The following SHC3 variants were observed in gnomAD, a reference collection of about 807,000 sequenced individuals.
The protein encoded by SHC3 is SHC adaptor protein 3, also known as SHC-transforming protein 3.
A neutral mutation model predicts 60.4 loss-of-function variants in SHC3; 15 were observed. That is an observed-to-expected ratio of 0.25 (90% CI 0.17 to 0.38). SHC3 has a LOEUF of 0.38. Ranked by LOEUF, SHC3 falls within the 10% of genes least tolerant of loss-of-function variation. The probability of loss-of-function intolerance (pLI) is 1.00; values close to 1 mark genes in which losing one functional copy is unlikely to be tolerated. For synonymous variants in SHC3, 294 were observed against 325.9 expected (o/e 0.90, Z 1.05); for missense variants, 677 against 786.1 (o/e 0.86, Z 1.66).
intron 1 of SHC3, among the ~76,000 whole-genome samples, chr9:89,136,711 T>C (rs1464481177): frequency 1.3e-5 from 2 of 152,234 alleles, no homozygotes; most frequent in Non-Finnish European, 2.9e-5. Context: ...TCTTTCACTT[T>C]CTTAATAAAC....
chr9:89,078,511 G>T (rs1014743089), intron 2 of SHC3, among the ~76,000 whole-genome samples: 1 of 152,198 alleles, frequency 6.6e-6, no homozygotes, highest in African/African-American at 2.4e-5. Flanking sequence ...CCGCACTGGT[G>T]AGGCTGCTGG....
At position 89,057,769 on chromosome 9, in the gene SHC3, T is replaced by C. The variant is rs151259801; in HGVS notation, c.836-5606A>G. 5.1e-4 allele frequency among the ~76,000 whole-genome samples: 77 copies of C among 152,242 alleles called. No individual in the cohort carries two copies. In the East Asian group the frequency reaches 0.014, roughly 28 times the overall value. ...GAAAATAAATAAATAAAAATATACC[T>C]CTGTAGTGGATTGAAGGGTGCCCTC... On this transcript the variant is annotated intron_variant, in intron 6 of 11. Transcript: ENST00000375835.
At chr9:89,137,311 A>T (rs1423791131) in intron 1 of SHC3, among the ~76,000 whole-genome samples, 1 of 152,184 alleles carries the variant, frequency 6.6e-6, no homozygotes, top group East Asian at 1.9e-4. Flanking sequence ...ACACTTAGCT[A>T]AAAATGGCTT....
At position 89,074,527 on chromosome 9, in the gene SHC3, C is replaced by T. The variant is rs144910540; in HGVS notation, c.729+582G>A. On this transcript the variant is annotated intron_variant, in intron 4 of 11. Transcript: ENST00000375835. Reference sequence around the variant, plus strand: ...CTAAAAGATAGACATTGTGCAGGAACGCAACCATCCTCAATAAAATTAGCC... The same window carrying T: ...CTAAAAGATAGACATTGTGCAGGAATGCAACCATCCTCAATAAAATTAGCC... 5.3e-3 allele frequency among the ~76,000 whole-genome samples: 813 copies of T among 152,036 alleles called. 6 individuals are homozygous for T. Among genetic ancestry groups the T allele is most frequent in the African/African-American group, 0.018 (756 of 41,456 alleles).
In SHC3 at chr9:89,064,812, T is replaced by A. The variant is rs150592266; in HGVS notation, c.835+717A>T. Among the ~76,000 whole-genome samples the A allele has an allele frequency of 1.6e-4, 24 of 152,310 alleles. No individual in the cohort carries two copies. The East Asian group carries it at 4.6e-3, about 29-fold the overall frequency. On this transcript the variant is annotated intron_variant, in intron 6 of 11. Transcript: ENST00000375835. ...TAAAAAGAGAGGGTATGTATACGGA[T>A]AAGCATTATGCAAAGCAAACTAGAA...
intron 6 of SHC3, among the ~76,000 whole-genome samples, chr9:89,061,308 A>C (rs1266810233): frequency 3.9e-5 from 6 of 152,236 alleles, no homozygotes; most frequent in African/African-American, 1.4e-4. Flanking sequence ...ACTTCCACCA[A>C]TGAGTTCAAA....
chr9:89,087,269 T>C (rs1434478297), intron 2 of SHC3, among the ~76,000 whole-genome samples: 2 of 152,244 alleles, frequency 1.3e-5, no homozygotes, highest in Non-Finnish European at 2.9e-5. Context: ...TAGCCTAACT[T>C]ATGTTTCCCT....
intron 11 of SHC3, among the ~76,000 whole-genome samples, chr9:89,031,184 C>G (rs1398196869): frequency 6.6e-6 from 1 of 152,166 alleles, no homozygotes; most frequent in Non-Finnish European, 1.5e-5. Flanking sequence ...CCACACCTGA[C>G]CTGTATTTTT....
chr9:89,022,940 TGC>T (rs759916998), intron 11 of SHC3, among the ~76,000 whole-genome samples: 2 of 152,228 alleles, frequency 1.3e-5, no homozygotes, highest in Non-Finnish European at 2.9e-5. Context: ...GCACCTCCCT[TGC>T]TGTGTTGTCT....
intron 2 of SHC3, chr9:89,110,492 G>T: frequency 1.0e-6 from 1 of 980,624 alleles, no homozygotes; most frequent in East Asian, 1.1e-4. Flanking sequence ...TTACCATGGA[G>T]ACCTTAAAAG....
chr9:89,143,304 C>T (rs1414347995), intron 1 of SHC3, among the ~76,000 whole-genome samples: 1 of 152,058 alleles, frequency 6.6e-6, no homozygotes, highest in Non-Finnish European at 1.5e-5. Flanking sequence ...GTGAGGACGA[C>T]CAGCGGTCAC....
intron 2 of SHC3, among the ~76,000 whole-genome samples, chr9:89,098,660 A>C (rs1320683489): frequency 2.0e-5 from 3 of 152,142 alleles, no homozygotes; most frequent in African/African-American, 7.2e-5. Context: ...AATACAAAAA[A>C]ATTAGCCGGG....
In SHC3 at chr9:89,061,699, T is replaced by A. The variant is rs78039983; in HGVS notation, c.835+3830A>T. On this transcript the variant is annotated intron_variant, in intron 6 of 11. Coordinates refer to ENST00000375835, the MANE Select transcript of SHC3 (RefSeq NM_016848.6). ...AGTCCAAAAACAATAAATGGAAAAT[T>A]TCTGAAATTTACAGTTCATAAGTTT... Among the ~76,000 whole-genome samples the A allele has an allele frequency of 6.0e-3, 907 of 152,312 alleles. 7 individuals are homozygous for A. The highest frequency in any genetic ancestry group is 0.02 in the African/African-American group (835 of 41,574).
At chr9:89,163,332 T>C (rs1286007861) in intron 1 of SHC3, among the ~76,000 whole-genome samples, 1 of 152,064 alleles carries the variant, frequency 6.6e-6, no homozygotes, top group African/African-American at 2.4e-5. Context: ...TAGCAAAGAC[T>C]TGGAACCAAC....
At chr9:89,088,325 A>C (rs1156526683) in intron 2 of SHC3, among the ~76,000 whole-genome samples, 2 of 152,198 alleles carry the variant, frequency 1.3e-5, no homozygotes, top group Non-Finnish European at 2.9e-5. Flanking sequence ...TTCTGGACTG[A>C]ACCAATGTAC....
rs544634677 is a variant in SHC3, at chr9:89,172,626, C to T, written c.474+5361G>A. Among the ~76,000 whole-genome samples the T allele has an allele frequency of 8.5e-5, 13 of 152,082 alleles. No homozygotes were observed. The South Asian group carries it at 2.7e-3, about 32-fold the overall frequency. On this transcript the variant is annotated intron_variant, in intron 1 of 11. Transcript: ENST00000375835. ...ACACACGATGGTCAACATCCACCCA[C>T]TCAGTAGGCTGTTCCTATGCTCACT...
chr9:89,105,778 C>T (rs1376967702), intron 2 of SHC3, among the ~76,000 whole-genome samples: 1 of 152,122 alleles, frequency 6.6e-6, no homozygotes, highest in African/African-American at 2.4e-5. Context: ...TAGACAATAT[C>T]AGCTCAAGTG....
At chr9:89,077,694 A>T (rs1825380966) in intron 3 of SHC3, 146 bp downstream of exon 3, 2 of 908,510 alleles carry the variant, frequency 2.2e-6, no homozygotes, top group East Asian at 5.1e-5. Context: ...AGAGAAAGCA[A>T]TCTAAGCCCT....
intron 11 of SHC3, among the ~76,000 whole-genome samples, chr9:89,026,620 G>T (rs1353440629): frequency 6.6e-6 from 1 of 152,172 alleles, no homozygotes; most frequent in Non-Finnish European, 1.5e-5. Context: ...TGTGTCACTG[G>T]CATGTCCTTA....
Sources: allele counts gnomAD v4.1 joint callset (sites outside exome capture counted in the v4.1 genomes callset), GRCh38; gene constraint gnomAD v4.1.1; transcripts MANE v1.5; gene names NCBI Gene and HGNC (gene_info 2026-07-23, HGNC 2026-07-21).